The following IPMK variants were observed in gnomAD, a reference collection of about 807,000 sequenced individuals.
IPMK encodes the protein inositol 1,3,4,6-tetrakisphosphate 5-kinase.
In IPMK, 17 loss-of-function variants were observed where a neutral mutation model predicts 45.8. The ratio of observed to expected loss-of-function variants is 0.37; its 90% CI spans 0.25 to 0.56. IPMK has a LOEUF of 0.56. Ranked by LOEUF, IPMK falls within the 20% of genes least tolerant of loss-of-function variation. IPMK has a pLI of 0.79. For missense variants in IPMK, 399 were observed against 498.0 expected, an observed-to-expected ratio of 0.80 and a Z score of 1.89; for synonymous variants, 180 against 184.3, an observed-to-expected ratio of 0.98 and a Z score of 0.19.
chr10:58,267,213 C>T (rs1588976848), intron 1 of IPMK, among the ~76,000 whole-genome samples: 1 of 152,214 alleles, frequency 6.6e-6, no homozygotes, highest in Admixed American at 6.5e-5. Flanking sequence ...TGCTGCAAGC[C>T]TGACGACCCA....
chr10:58,227,563 T>C (rs1011911385), intron 2 of IPMK, among the ~76,000 whole-genome samples: 1 of 152,226 alleles, frequency 6.6e-6, no homozygotes, highest in African/African-American at 2.4e-5. Flanking sequence ...CTTTAACTTC[T>C]CTTTTGAACA....
intron 1 of IPMK, among the ~76,000 whole-genome samples, chr10:58,253,138 T>C (rs1171729731): frequency 2.6e-5 from 4 of 152,174 alleles, no homozygotes; most frequent in Non-Finnish European, 5.9e-5. Flanking sequence ...TGAATAAGTC[T>C]CTGATAGTTT....
At chr10:58,204,662 G>T (rs1393660217) in intron 4 of IPMK, among the ~76,000 whole-genome samples, 3 of 152,076 alleles carry the variant, frequency 2.0e-5, no homozygotes, top group Non-Finnish European at 2.9e-5. Flanking sequence ...GGGTGTGATG[G>T]TGTACACTTG....
intron 4 of IPMK, among the ~76,000 whole-genome samples, chr10:58,200,996 G>A (rs550418932): frequency 1.3e-5 from 2 of 151,728 alleles, no homozygotes. Flanking sequence ...GAAATCAAAA[G>A]AAAAATAGAG....
chr10:58,198,294 T>C (rs1032062126), intron 5 of IPMK, among the ~76,000 whole-genome samples: 2 of 152,222 alleles, frequency 1.3e-5, no homozygotes, highest in African/African-American at 4.8e-5. Context: ...CTTTAAATGT[T>C]TTAACCTATC....
intron 4 of IPMK, among the ~76,000 whole-genome samples, chr10:58,213,685 C>CAA (rs1332533772): frequency 1.2e-5 from 1 of 86,598 alleles, no homozygotes; most frequent in Non-Finnish European, 2.4e-5. Flanking sequence ...GACTCCGTCT[C>CAA]AAAAAAAAAA....
At chr10:58,266,254 G>A (rs1017615899) in intron 1 of IPMK, among the ~76,000 whole-genome samples, 1 of 152,156 alleles carries the variant, frequency 6.6e-6, no homozygotes, top group African/African-American at 2.4e-5. Context: ...CAATTCAGTG[G>A]GGAGAAAGGC....
chr10:58,237,618 G>A (rs748236851), intron 2 of IPMK, 111 bp downstream of exon 2: 38 of 770,782 alleles, frequency 4.9e-5, no homozygotes, highest in Middle Eastern at 3.7e-4. Flanking sequence ...TTTTGTTTCC[G>A]TTACATACAC....
Position 58,267,647 on chromosome 10 carries a change from G to C in IPMK, c.-36C>G, listed in dbSNP as rs1278080290. On this transcript the variant is annotated 5_prime_UTR_variant, in exon 1 of 6. Transcript: ENST00000373935. Reference sequence around the variant, plus strand: ...AGAAGCGGTAACGGCAGCGAGAGTAGGAAAAAAAATAGGGCGAGGGAGGGG... The same window carrying C: ...AGAAGCGGTAACGGCAGCGAGAGTACGAAAAAAAATAGGGCGAGGGAGGGG... 1 of 1,477,304 alleles carries C rather than the reference G, an allele frequency of 6.8e-7. No individual in the cohort carries two copies. The highest frequency in any genetic ancestry group is 2.0e-5 in the Admixed American group (1 of 50,296). The allele number at this position is 1,477,304 out of a possible 1,614,324, so 91.5% of individuals were successfully genotyped here.
At chr10:58,220,236 G>A (rs1010658060) in intron 3 of IPMK, among the ~76,000 whole-genome samples, 8 of 151,970 alleles carry the variant, frequency 5.3e-5, no homozygotes, top group African/African-American at 1.9e-4. Context: ...AGAAGAGGAA[G>A]GGTTAAGTAA....
At chr10:58,228,094 G>A (rs1838447686) in intron 2 of IPMK, among the ~76,000 whole-genome samples, 1 of 152,180 alleles carries the variant, frequency 6.6e-6, no homozygotes, top group African/African-American at 2.4e-5. Context: ...AATGTTAGAA[G>A]TGATTCATAT....
intron 2 of IPMK, among the ~76,000 whole-genome samples, chr10:58,231,443 C>T (rs987115675): frequency 3.3e-5 from 5 of 152,094 alleles, no homozygotes; most frequent in Non-Finnish European, 5.9e-5. Flanking sequence ...GTTGAGTTAC[C>T]CACAAAGGGA....
chr10:58,240,164 T>G (rs1394860884), intron 1 of IPMK, among the ~76,000 whole-genome samples: 2 of 151,778 alleles, frequency 1.3e-5, no homozygotes, highest in African/African-American at 4.8e-5. Context: ...TAGAAAAAGA[T>G]GAATGCAAAT....
intron 5 of IPMK, 113 bp downstream of exon 5, chr10:58,199,127 A>T (rs973943798): frequency 1.6e-5 from 10 of 613,690 alleles, no homozygotes; most frequent in Non-Finnish European, 2.7e-5. Context: ...ATTATTATTT[A>T]AAAAATGTTT....
chr10:58,224,247 T>A (rs543294495), intron 3 of IPMK, among the ~76,000 whole-genome samples: 62 of 152,308 alleles, frequency 4.1e-4, no homozygotes, highest in African/African-American at 1.4e-3. Context: ...GACTAGAGAT[T>A]ACATTTTGAA....
At chr10:58,249,166 T>TTC (rs1461432828) in intron 1 of IPMK, among the ~76,000 whole-genome samples, 1 of 152,262 alleles carries the variant, frequency 6.6e-6, no homozygotes, top group Non-Finnish European at 1.5e-5. Context: ...TAGTGTTCTC[T>TTC]TTCTCCACAT....
intron 1 of IPMK, among the ~76,000 whole-genome samples, chr10:58,258,329 A>C (rs532896538): frequency 6.6e-6 from 1 of 152,326 alleles, no homozygotes; most frequent in Admixed American, 6.5e-5. Flanking sequence ...AACAAAAAAT[A>C]GAATATTAGT....
chr10:58,196,682 A>G lies in IPMK; in HGVS notation c.645T>C (p.Phe215=). The change falls in exon 6 of 6, where the codon TTT becomes TTC. Residue 215 remains phenylalanine (F), a synonymous_variant. Coordinates refer to ENST00000373935, the MANE Select transcript of IPMK (RefSeq NM_152230.5). ...CTTTTCTTAAGCAGTACCCATTATG[A>G]AAAAATCTGGAGACTCCTATAAAAA... ...ETIKDGVSRF[F]HNGYCLRKDA... 1 of 1,579,014 alleles carries G rather than the reference A, an allele frequency of 6.3e-7. No individual in the cohort carries two copies. Among genetic ancestry groups the G allele is most frequent in the South Asian group, 1.2e-5 (1 of 84,628 alleles).
At position 58,195,094 on chromosome 10, in the gene IPMK, C is replaced by T. The variant is rs1188656552; in HGVS notation, c.*982G>A. The stretch of plus-strand genomic sequence containing the variant: ...CCTAATTAGATATTGTCTTTCATTG[C>T]TTACTATAATTCTGAGAAACTGTTT... On this transcript the variant is annotated 3_prime_UTR_variant, in exon 6 of 6. Transcript: ENST00000373935. 1.3e-5 allele frequency: 2 copies of T among 151,874 alleles called. No homozygotes were observed. The highest frequency in any genetic ancestry group is 4.8e-5 in the African/African-American group (2 of 41,380). 9.4% of individuals were successfully genotyped at this position (151,874 alleles called of 1,614,324 possible).
Sources: allele counts gnomAD v4.1 joint callset (sites outside exome capture counted in the v4.1 genomes callset), GRCh38; gene constraint gnomAD v4.1.1; transcripts MANE v1.5; gene names NCBI Gene and HGNC (gene_info 2026-07-23, HGNC 2026-07-21).